GXYLT2: variants seen among roughly 807,000 people sequenced by gnomAD.
The protein encoded by GXYLT2 is glucoside xylosyltransferase 2.
A neutral mutation model predicts 45.8 loss-of-function variants in GXYLT2; 53 were observed. The observed-to-expected ratio is 1.16, with a 90% CI of 0.93 to 1.46. GXYLT2 has a LOEUF of 1.46. Ranked by LOEUF, GXYLT2 falls within the 40% of genes most tolerant of loss-of-function variation. The probability of loss-of-function intolerance (pLI) is 0.00; values close to 1 mark genes in which losing one functional copy is unlikely to be tolerated. For missense variants in GXYLT2, 551 were observed against 544.4 expected, an observed-to-expected ratio of 1.01 and a Z score of -0.12; for synonymous variants, 219 against 214.2, an observed-to-expected ratio of 1.02 and a Z score of -0.19.
At chr3:72,971,846 G>C (rs1440761291) in intron 6 of GXYLT2, among the ~76,000 whole-genome samples, 1 of 120,550 alleles carries the variant, frequency 8.3e-6, no homozygotes, top group Non-Finnish European at 2.1e-5. Context: ...CTACTTGGGA[G>C]GCTGAGGTAG....
At chr3:72,912,015 T>A (rs199814634) in intron 2 of GXYLT2, among the ~76,000 whole-genome samples, 6,303 of 115,026 alleles carry the variant, frequency 0.055, 143 homozygotes, top group Middle Eastern at 0.2. Flanking sequence ...ATATATATAT[T>A]TTTTTTTTTT....
At chr3:72,970,585 C>T (rs1022366779) in intron 6 of GXYLT2, among the ~76,000 whole-genome samples, 1 of 152,016 alleles carries the variant, frequency 6.6e-6, no homozygotes, top group Non-Finnish European at 1.5e-5. Flanking sequence ...GTTGGCTGAG[C>T]GTGGTGGCTC....
chr3:72,939,403 C>A (rs1250564724), intron 3 of GXYLT2, among the ~76,000 whole-genome samples: 2 of 152,070 alleles, frequency 1.3e-5, no homozygotes, highest in African/African-American at 4.8e-5. Context: ...CCACTGCACT[C>A]CAGCCTGGGT....
At position 72,968,912 on chromosome 3, in the gene GXYLT2, A is replaced by T. The variant is rs574378290; in HGVS notation, c.1149+1193A>T. 9.4e-5 allele frequency among the ~76,000 whole-genome samples: 14 copies of T among 148,650 alleles called. No individual in the cohort carries two copies. In the East Asian group the frequency reaches 9.7e-4, roughly 10 times the overall value. On this transcript the variant is annotated intron_variant, in intron 6 of 6. Transcript: ENST00000389617. ...CTCTACTAAAAAATACAAAAAAAAA[A>T]TTTTTTTTTGGTGCTGGGTGTGGTG...
At chr3:72,951,782 C>A (rs2107137623) in intron 3 of GXYLT2, among the ~76,000 whole-genome samples, 1 of 152,188 alleles carries the variant, frequency 6.6e-6, no homozygotes, top group Non-Finnish European at 1.5e-5. Flanking sequence ...AAATTAGAAT[C>A]TTCAAATTCT....
At chr3:72,900,367 A>G (rs540453745) in intron 1 of GXYLT2, among the ~76,000 whole-genome samples, 2 of 152,214 alleles carry the variant, frequency 1.3e-5, no homozygotes, top group South Asian at 4.1e-4. Flanking sequence ...AGCCAGGACA[A>G]CTAGGGCAAC....
intron 3 of GXYLT2, among the ~76,000 whole-genome samples, chr3:72,951,812 TTTTG>T (rs755635268): frequency 3.1e-4 from 47 of 152,078 alleles, no homozygotes; most frequent in Middle Eastern, 3.4e-3. Context: ...TTTTGTTTTG[TTTTG>T]TTTATTTTTT....
intron 3 of GXYLT2, among the ~76,000 whole-genome samples, chr3:72,948,585 TC>T (rs746080776): frequency 6.6e-6 from 1 of 152,144 alleles, no homozygotes; most frequent in Non-Finnish European, 1.5e-5. Context: ...ACGCCTGTAA[TC>T]CCAGCACTTT....
chr3:72,924,916 G>A (rs184167988), intron 3 of GXYLT2, among the ~76,000 whole-genome samples: 66 of 152,198 alleles, frequency 4.3e-4, no homozygotes, highest in Admixed American at 1.2e-3. Context: ...ACAGGGAAAA[G>A]CAGTTTTGGT....
chr3:72,933,068 A>G (rs775571224), intron 3 of GXYLT2, among the ~76,000 whole-genome samples: 20 of 152,366 alleles, frequency 1.3e-4, no homozygotes, highest in Middle Eastern at 3.4e-3. Context: ...ACACCCTTGG[A>G]AACAATGCCT....
At chr3:72,938,179 G>A (rs1710226924) in intron 3 of GXYLT2, among the ~76,000 whole-genome samples, 1 of 152,142 alleles carries the variant, frequency 6.6e-6, no homozygotes, top group Non-Finnish European at 1.5e-5. Flanking sequence ...ACTAACAGAA[G>A]GCACTCTGTA....
chr3:72,921,010 G>A lies in GXYLT2; in HGVS notation c.469-1194G>A, dbSNP rs918158487. Among the ~76,000 whole-genome samples the A allele has an allele frequency of 7.2e-4, 109 of 150,816 alleles. 1 individual carries two copies. The highest frequency in any genetic ancestry group is 2.6e-3 in the African/African-American group (105 of 41,032). ...TAATTTTTGTATTTTTAGTAGAGAC[G>A]GGGTTTCGCCATGTTGGCCAGGCTG... On this transcript the variant is annotated intron_variant, in intron 2 of 6. Coordinates refer to ENST00000389617, the MANE Select transcript of GXYLT2 (RefSeq NM_001080393.2).
At chr3:72,968,521 A>G (rs1710916768) in intron 6 of GXYLT2, among the ~76,000 whole-genome samples, 1 of 152,238 alleles carries the variant, frequency 6.6e-6, no homozygotes, top group Non-Finnish European at 1.5e-5. Flanking sequence ...AAGCAGCAGA[A>G]AGAGGCCCTG....
intron 3 of GXYLT2, among the ~76,000 whole-genome samples, chr3:72,925,273 C>G (rs948616842): frequency 2.0e-5 from 3 of 151,838 alleles, no homozygotes; most frequent in African/African-American, 7.3e-5. Flanking sequence ...TCTCCTGCCT[C>G]AATCCCCCAA....
Position 72,898,139 on chromosome 3 carries a change from T to C in GXYLT2, c.275+9631T>C, listed in dbSNP as rs74908522. On this transcript the variant is annotated intron_variant, in intron 1 of 6. Coordinates refer to ENST00000389617, the MANE Select transcript of GXYLT2 (RefSeq NM_001080393.2). ...TTTTTTCTATGATATATGCACTACT[T>C]GTATATGCATTAAGCAATTTAAAGT... is the stretch of plus-strand genomic sequence containing the variant. Among the ~76,000 whole-genome samples, 353 of 152,294 alleles carry C rather than the reference T, an allele frequency of 2.3e-3. 3 individuals carry two copies. The highest frequency in any genetic ancestry group is 7.4e-3 in the African/African-American group (309 of 41,550).
chr3:72,903,130 C>T (rs1709438508), intron 1 of GXYLT2, among the ~76,000 whole-genome samples: 2 of 152,196 alleles, frequency 1.3e-5, no homozygotes, highest in South Asian at 2.1e-4. Flanking sequence ...ATAGCTTTCT[C>T]CCTGTGTGAC....
intron 3 of GXYLT2, among the ~76,000 whole-genome samples, chr3:72,941,097 G>A (rs1220352727): frequency 6.6e-6 from 1 of 152,190 alleles, no homozygotes; most frequent in East Asian, 1.9e-4. Flanking sequence ...TGCACCAGAA[G>A]TACAGAGCCG....
At chr3:72,970,313 T>C (rs1288855845) in intron 6 of GXYLT2, among the ~76,000 whole-genome samples, 2 of 151,810 alleles carry the variant, frequency 1.3e-5, no homozygotes, top group Non-Finnish European at 2.9e-5. Context: ...ATTGCACTAC[T>C]ACACTCCAGC....
At chr3:72,974,284 C>G (rs1431364424) in intron 6 of GXYLT2, among the ~76,000 whole-genome samples, 1 of 152,144 alleles carries the variant, frequency 6.6e-6, no homozygotes, top group African/African-American at 2.4e-5. Flanking sequence ...GTGATGATCT[C>G]AAAAGCCCAA....
Sources: allele counts gnomAD v4.1 joint callset (sites outside exome capture counted in the v4.1 genomes callset), GRCh38; gene constraint gnomAD v4.1.1; transcripts MANE v1.5; gene names NCBI Gene and HGNC (gene_info 2026-07-23, HGNC 2026-07-21).